CA10: variants seen among roughly 807,000 people sequenced by gnomAD.
The protein encoded by CA10 is carbonic anhydrase-related protein 10.
In CA10, 14 loss-of-function variants were observed where a neutral mutation model predicts 44.2. The ratio of observed to expected loss-of-function variants is 0.32; its 90% confidence interval spans 0.21 to 0.50. The LOEUF (loss-of-function observed/expected upper bound fraction) is 0.50, where lower values mean the gene tolerates loss of function less well. CA10 is among the 20% of genes least tolerant of loss of function. The pLI, the probability that CA10 is intolerant of heterozygous loss-of-function variation, is 0.99. For missense variants in CA10, 350 were observed against 409.7 expected, an observed-to-expected ratio of 0.85 and a Z score of 1.26; for synonymous variants, 159 against 141.6, an observed-to-expected ratio of 1.12 and a Z score of -0.87.
chr17:51,889,275 A>T (rs543893233), intron 3 of CA10, among the ~76,000 whole-genome samples: 1 of 152,262 alleles, frequency 6.6e-6, no homozygotes, highest in East Asian at 1.9e-4. Flanking sequence ...TCATCCTAAC[A>T]CTTTGGGAGG....
In CA10 at chr17:51,653,744, G is replaced by T. The variant is rs770444593; in HGVS notation, c.466-8C>A. ...ATAGTGGATGAGCTGCACCTGGCAGGAGGGAAAAACAAGAATCAGAACAAT... is the reference window on the plus strand; with the variant it reads ...ATAGTGGATGAGCTGCACCTGGCAGTAGGGAAAAACAAGAATCAGAACAAT... On this transcript the variant is annotated splice_polypyrimidine_tract_variant and splice_region_variant and intron_variant, in intron 4 of 8. Coordinates refer to ENST00000451037, the MANE Select transcript of CA10 (RefSeq NM_020178.5). The T allele has an allele frequency of 4.5e-6, 7 of 1,548,572 alleles. No homozygotes were observed. The South Asian group carries it at 7.8e-5, about 17-fold the overall frequency.
chr17:51,744,240 A>C (rs1289340505), intron 4 of CA10, among the ~76,000 whole-genome samples: 1 of 151,598 alleles, frequency 6.6e-6, no homozygotes, highest in African/African-American at 2.4e-5. Flanking sequence ...GCTTGAACCC[A>C]GGAGGTGGAG....
chr17:51,975,872 G>GAAA (rs139387796), intron 2 of CA10, among the ~76,000 whole-genome samples: 3 of 98,132 alleles, frequency 3.1e-5, no homozygotes, highest in Admixed American at 1.1e-4. Flanking sequence ...CTCTGTCTCG[G>GAAA]AAAAAAAAAA....
intron 1 of CA10, among the ~76,000 whole-genome samples, chr17:52,110,858 C>T (rs1305774098): frequency 1.3e-5 from 2 of 152,100 alleles, no homozygotes; most frequent in African/African-American, 4.8e-5. Context: ...GACAGTTCCA[C>T]GAAGAATAGG....
At chr17:52,115,668 C>A (rs1465112814) in intron 1 of CA10, among the ~76,000 whole-genome samples, 1 of 152,242 alleles carries the variant, frequency 6.6e-6, no homozygotes. Flanking sequence ...CCCCGCCCCC[C>A]TCCCCTCTCG....
chr17:51,838,525 G>A (rs1405925143), intron 3 of CA10, among the ~76,000 whole-genome samples: 1 of 152,238 alleles, frequency 6.6e-6, no homozygotes, highest in African/African-American at 2.4e-5. Flanking sequence ...GGATGGGACT[G>A]CTTTAATTGC....
chr17:51,828,038 C>G (rs1031461411), intron 3 of CA10, among the ~76,000 whole-genome samples: 1 of 152,156 alleles, frequency 6.6e-6, no homozygotes, highest in Non-Finnish European at 1.5e-5. Flanking sequence ...CATGAACTTC[C>G]ACTACACCCC....
chr17:51,937,195 A>G (rs947423303), intron 2 of CA10, among the ~76,000 whole-genome samples: 1 of 152,198 alleles, frequency 6.6e-6, no homozygotes, highest in Non-Finnish European at 1.5e-5. Flanking sequence ...ACTTCAATAT[A>G]GCAATCTCTA....
intron 1 of CA10, among the ~76,000 whole-genome samples, chr17:52,140,712 G>A (rs2143382069): frequency 6.6e-6 from 1 of 152,238 alleles, no homozygotes; most frequent in African/African-American, 2.4e-5. Flanking sequence ...CAAATACCAT[G>A]TCTAAGAGGA....
At chr17:51,696,655 G>A (rs1156930557) in intron 4 of CA10, among the ~76,000 whole-genome samples, 1 of 151,914 alleles carries the variant, frequency 6.6e-6, no homozygotes, top group Non-Finnish European at 1.5e-5. Flanking sequence ...TGTTTTTCTA[G>A]TTCCTCTAGG....
chr17:51,665,170 CTG>C (rs1914162353), intron 4 of CA10, among the ~76,000 whole-genome samples: 2 of 152,208 alleles, frequency 1.3e-5, no homozygotes, highest in South Asian at 4.1e-4. Flanking sequence ...TTTGGATAAA[CTG>C]TTCACAAAAC....
chr17:52,026,786 C>A (rs1013680579), intron 2 of CA10, among the ~76,000 whole-genome samples: 1 of 152,044 alleles, frequency 6.6e-6, no homozygotes, highest in African/African-American at 2.4e-5. Flanking sequence ...CTCTCATGGG[C>A]TCCTTCCCAC....
intron 4 of CA10, among the ~76,000 whole-genome samples, chr17:51,718,117 G>A (rs2143521283): frequency 6.6e-6 from 1 of 151,242 alleles, no homozygotes; most frequent in South Asian, 2.1e-4. Flanking sequence ...ATGGTGCAGT[G>A]TATACTGCTC....
At chr17:51,881,344 T>C (rs892445757) in intron 3 of CA10, among the ~76,000 whole-genome samples, 1 of 151,670 alleles carries the variant, frequency 6.6e-6, no homozygotes, top group African/African-American at 2.4e-5. Context: ...ATTAAATTAA[T>C]AGCATAATGT....
At chr17:52,139,760 G>T (rs982344024) in intron 1 of CA10, among the ~76,000 whole-genome samples, 2 of 152,058 alleles carry the variant, frequency 1.3e-5, no homozygotes, top group Non-Finnish European at 2.9e-5. Context: ...TGTTACCTGG[G>T]TGCCTGTCTC....
At chr17:51,889,553 C>A (rs530563483) in intron 3 of CA10, among the ~76,000 whole-genome samples, 59 of 151,964 alleles carry the variant, frequency 3.9e-4, no homozygotes, top group South Asian at 2.5e-3. Context: ...CAAACCAAAC[C>A]AAACAAAACA....
intron 1 of CA10, among the ~76,000 whole-genome samples, chr17:52,128,254 A>G (rs1057375600): frequency 6.6e-6 from 1 of 152,206 alleles, no homozygotes; most frequent in African/African-American, 2.4e-5. Context: ...AATAGGATTT[A>G]TCTTATCTTT....
At chr17:52,139,060 G>T (rs946482962) in intron 1 of CA10, among the ~76,000 whole-genome samples, 1 of 152,194 alleles carries the variant, frequency 6.6e-6, no homozygotes, top group African/African-American at 2.4e-5. Flanking sequence ...TTCAAACTAG[G>T]AGTTGGTAAA....
intron 2 of CA10, among the ~76,000 whole-genome samples, chr17:52,023,720 T>C (rs1598171909): frequency 6.7e-6 from 1 of 148,340 alleles, no homozygotes; most frequent in African/African-American, 2.5e-5. Flanking sequence ...TTGCAAAGTA[T>C]GCATGCAACA....
Sources: gnomAD v4.1 joint callset for allele counts (sites outside exome capture counted in the v4.1 genomes callset) on GRCh38, gnomAD v4.1.1 for gene constraint, MANE v1.5 for transcripts, NCBI Gene and HGNC (gene_info 2026-07-23, HGNC 2026-07-21) for gene names.